The following LRFN5 variants were observed in gnomAD, a reference collection of about 807,000 sequenced individuals.
LRFN5 encodes the protein leucine rich repeat and fibronectin type III domain containing 5.
Under a neutral mutation model 45.6 loss-of-function variants are expected in LRFN5, and 24 were observed. The observed-to-expected ratio is 0.53, with a 90% CI of 0.38 to 0.74. The LOEUF (loss-of-function observed/expected upper bound fraction) is 0.74, where lower values mean the gene tolerates loss of function less well. Among genes scored for constraint, LRFN5 ranks in the 30% least tolerant of loss-of-function variants. LRFN5 has a pLI of 0.00. For missense variants in LRFN5, 776 were observed against 861.5 expected, an observed-to-expected ratio of 0.90 and a Z score of 1.24; for synonymous variants, 340 against 313.8, an observed-to-expected ratio of 1.08 and a Z score of -0.88.
At chr14:41,742,115 C>T (rs34400201) in intron 1 of LRFN5, among the ~76,000 whole-genome samples, 41,187 of 151,424 alleles carry the variant, frequency 0.27, 6,245 homozygotes, top group South Asian at 0.43. Context: ...GGAGATTTTC[C>T]AAGAACTAAA....
rs1247701389 is a variant in LRFN5 at position 41,891,669 on chromosome 14, G to C, written c.1805G>C (p.Cys602Ser). ...GTGGGACACGAAGAGAATGCCCAGT[G>C]TTGTAAAGCTACCAGTGACAATGTG... ...QAVGHEENAQCCKATSDNVIQ... is the reference protein window; with the variant it reads ...QAVGHEENAQSCKATSDNVIQ... Residue 602 changes from cysteine (C) to serine (S), a missense_variant, in exon 4 of 6, where the codon TGT becomes TCT. This residue lies in a region of LRFN5 where 465 missense variants were observed against 456.4 expected (regional missense o/e 1.02). Transcript: ENST00000298119. 3 of 1,614,090 alleles carry C rather than the reference G, an allele frequency of 1.9e-6. No homozygotes were observed. The highest frequency in any genetic ancestry group is 2.5e-6 in the Non-Finnish European group (3 of 1,180,046).
chr14:41,858,591 G>A (rs138914068), intron 2 of LRFN5, among the ~76,000 whole-genome samples: 1 of 152,094 alleles, frequency 6.6e-6, no homozygotes, highest in African/African-American at 2.4e-5. Flanking sequence ...ACTAAACCAA[G>A]CAAGACAACA....
intron 2 of LRFN5, among the ~76,000 whole-genome samples, chr14:41,843,601 G>T (rs375054367): frequency 6.6e-6 from 1 of 152,006 alleles, no homozygotes; most frequent in Non-Finnish European, 1.5e-5. Context: ...TGTATGCTGA[G>T]AGTAGCATTC....
At chr14:41,788,348 C>A (rs1886802426) in intron 2 of LRFN5, among the ~76,000 whole-genome samples, 1 of 147,620 alleles carries the variant, frequency 6.8e-6, no homozygotes, top group Non-Finnish European at 1.5e-5. Context: ...TCTCCTTGTT[C>A]CATTGATATT....
rs146169929 is a variant in LRFN5 at position 41,886,649 on chromosome 14, G to A, written c.24G>A (p.Leu8=). Residue 8 remains leucine (L), a synonymous_variant, in exon 3 of 6, where the codon CTG becomes CTA. Coordinates refer to ENST00000298119, the MANE Select transcript of LRFN5 (RefSeq NM_152447.5). MEKILFY[L]FLIGIAVKAQ... is the part of the protein sequence containing the mutation. ...CAATGGAAAAAATTCTTTTTTATCT[G>A]TTTCTCATTGGCATAGCAGTGAAAG... 6.3e-7 allele frequency: 1 copy of A among 1,585,482 alleles called. No individual in the cohort carries two copies. The highest frequency in any genetic ancestry group is 8.5e-7 in the Non-Finnish European group (1 of 1,170,732).
chr14:41,697,486 C>T (rs1430016281), intron 1 of LRFN5, among the ~76,000 whole-genome samples: 2 of 151,574 alleles, frequency 1.3e-5, no homozygotes, highest in African/African-American at 2.4e-5. Context: ...TCTATTTCTT[C>T]GAGTTTGGTC....
chr14:41,651,884 T>G (rs1257901756), intron 1 of LRFN5, among the ~76,000 whole-genome samples: 1 of 152,168 alleles, frequency 6.6e-6, no homozygotes, highest in Non-Finnish European at 1.5e-5. Flanking sequence ...CTGAGGCGTG[T>G]TTCCTTGGCT....
intron 2 of LRFN5, among the ~76,000 whole-genome samples, chr14:41,851,013 TATTGAAATGTGTGTAAC>T (rs1233412096): frequency 6.6e-6 from 1 of 151,820 alleles, no homozygotes; most frequent in Non-Finnish European, 1.5e-5. Flanking sequence ...ACGAATAAAC[TATTGAAATGTGTGTAAC>T]ATAGTATCTT....
chr14:41,626,654 C>T (rs944854356), intron 1 of LRFN5, among the ~76,000 whole-genome samples: 8 of 151,968 alleles, frequency 5.3e-5, no homozygotes, highest in African/African-American at 1.4e-4. Context: ...TGCATCTCTA[C>T]GTCTGGCCCT....
intron 3 of LRFN5, among the ~76,000 whole-genome samples, chr14:41,890,435 C>T (rs1320217319): frequency 2.0e-5 from 3 of 151,772 alleles, no homozygotes; most frequent in Non-Finnish European, 1.5e-5. Context: ...AGGCCGGGCG[C>T]GGTGGCTCAC....
intron 1 of LRFN5, among the ~76,000 whole-genome samples, chr14:41,697,060 G>A (rs939452025): frequency 1.3e-5 from 2 of 151,724 alleles, no homozygotes; most frequent in African/African-American, 4.8e-5. Context: ...ATTCTTATTA[G>A]GTTTTGGTAT....
At chr14:41,716,679 A>G (rs569600472) in intron 1 of LRFN5, among the ~76,000 whole-genome samples, 1 of 152,178 alleles carries the variant, frequency 6.6e-6, no homozygotes, top group East Asian at 1.9e-4. Context: ...AGTCTCTAGG[A>G]AGTGCGAAAC....
chr14:41,745,102 T>C (rs1455848575), intron 1 of LRFN5, among the ~76,000 whole-genome samples: 1 of 152,092 alleles, frequency 6.6e-6, no homozygotes, highest in Non-Finnish European at 1.5e-5. Context: ...CAAGACATTT[T>C]TCAGGATAGA....
chr14:41,628,974 G>C (rs934582951), intron 1 of LRFN5, among the ~76,000 whole-genome samples: 1 of 152,074 alleles, frequency 6.6e-6, no homozygotes, highest in African/African-American at 2.4e-5. Flanking sequence ...TTCCCATTTA[G>C]TGTGTAAACT....
At chr14:41,620,481 G>A (rs192314601) in intron 1 of LRFN5, among the ~76,000 whole-genome samples, 1 of 152,124 alleles carries the variant, frequency 6.6e-6, no homozygotes, top group African/African-American at 2.4e-5. Flanking sequence ...TCTTATTAAG[G>A]ACATGTTCGA....
chr14:41,704,967 T>G (rs1317549355), intron 1 of LRFN5, among the ~76,000 whole-genome samples: 3 of 152,182 alleles, frequency 2.0e-5, no homozygotes, highest in Non-Finnish European at 4.4e-5. Flanking sequence ...AGATACAGTT[T>G]AATGATGTGA....
chr14:41,646,625 G>A (rs114429463), intron 1 of LRFN5, among the ~76,000 whole-genome samples: 3,330 of 152,190 alleles, frequency 0.022, 113 homozygotes, highest in African/African-American at 0.073. Context: ...TGATAAGCTC[G>A]CAACATCATT....
chr14:41,861,388 C>A (rs1889653819), intron 2 of LRFN5, among the ~76,000 whole-genome samples: 1 of 152,126 alleles, frequency 6.6e-6, no homozygotes, highest in Admixed American at 6.5e-5. Context: ...TGTTTATATG[C>A]TTATTATATC....
chr14:41,853,354 C>A (rs74045481), intron 2 of LRFN5, among the ~76,000 whole-genome samples: 4,768 of 151,898 alleles, frequency 0.031, 259 homozygotes, highest in African/African-American at 0.11. Context: ...GGAAATTAAG[C>A]ATTTCAAGCA....
Sources: allele counts gnomAD v4.1 joint callset (sites outside exome capture counted in the v4.1 genomes callset), GRCh38; gene constraint gnomAD v4.1.1; regional missense constraint gnomAD v4.1.1; transcripts MANE v1.5; gene names NCBI Gene and HGNC (gene_info 2026-07-23, HGNC 2026-07-21).